CIT: variants seen among roughly 807,000 people sequenced by gnomAD.
The protein encoded by CIT is citron Rho-interacting kinase.
Under a neutral mutation model 272.7 loss-of-function variants are expected in CIT, and 79 were observed. That is an observed-to-expected ratio of 0.29 (90% CI 0.24 to 0.35). The LOEUF (loss-of-function observed/expected upper bound fraction) is 0.35. Among genes scored for constraint, CIT ranks in the 10% least tolerant of loss-of-function variants. The pLI, the probability that CIT is intolerant of heterozygous loss-of-function variation, is 1.00. For missense variants in CIT, 1,909 were observed against 2,618.3 expected (o/e 0.73, Z 5.91); for synonymous variants, 948 against 995.6 (o/e 0.95, Z 0.90).
chr12:119,840,181 G>A (rs977785463), intron 5 of CIT, among the ~76,000 whole-genome samples: 14 of 152,300 alleles, frequency 9.2e-5, no homozygotes, highest in African/African-American at 2.6e-4. Flanking sequence ...GGCAGGGCAT[G>A]GTAGTATATG....
chr12:119,876,009 G>T, intron 2 of CIT, 64 bp downstream of exon 2: 1 of 977,624 alleles, frequency 1.0e-6, no homozygotes, highest in Non-Finnish European at 1.6e-6. Context: ...AAAAGCAAAG[G>T]TGAGTGACAA....
At chr12:119,765,376 ATATAATATATAT>A (rs1236903022) in intron 19 of CIT, among the ~76,000 whole-genome samples, 6 of 146,134 alleles carry the variant, frequency 4.1e-5, no homozygotes, top group South Asian at 2.1e-4. Flanking sequence ...ATTATATATA[ATATAATATATAT>A]TATAATATAT....
In CIT at chr12:119,806,191, G is replaced by A. The variant is rs1593818180; in HGVS notation, c.1112-2802C>T. Among the ~76,000 whole-genome samples the A allele has an allele frequency of 1.4e-5, 2 of 143,662 alleles. 1 individual carries two copies. The highest frequency in any genetic ancestry group is 4.0e-4 in the East Asian group (2 of 5,020). 94.2% of individuals were successfully genotyped at this position (143,662 alleles called of 152,430 possible). On this transcript the variant is annotated intron_variant, in intron 9 of 47. Coordinates refer to ENST00000392521, the MANE Select transcript of CIT (RefSeq NM_001206999.2). ...AGAGAAGTCAATGTGAAATATACTA[G>A]CTGGTAACAGGTAAGATATTCACAG...
chr12:119,747,741 A>G lies in CIT; in HGVS notation c.2904+4309T>C, dbSNP rs544762571. Among the ~76,000 whole-genome samples the G allele has an allele frequency of 1.2e-4, 18 of 152,340 alleles. No individual in the cohort carries two copies. In the South Asian group the frequency reaches 3.5e-3, roughly 30 times the overall value. Reference sequence around the variant, plus strand: ...CTCAAAAAAACAAACAAACAAAAAAATTAAGACAGATATTTTTCAAATATT... The same window carrying G: ...CTCAAAAAAACAAACAAACAAAAAAGTTAAGACAGATATTTTTCAAATATT... On this transcript the variant is annotated intron_variant, in intron 23 of 47. Transcript: ENST00000392521.
chr12:119,817,443 C>T (rs1457697709), intron 9 of CIT, among the ~76,000 whole-genome samples: 2 of 151,850 alleles, frequency 1.3e-5, no homozygotes, highest in African/African-American at 2.4e-5. Flanking sequence ...ACCTGGGAGG[C>T]GGAGCTTGCA....
intron 19 of CIT, among the ~76,000 whole-genome samples, chr12:119,762,502 GAAGA>G (rs1314127562): frequency 6.6e-6 from 1 of 152,160 alleles, no homozygotes; most frequent in African/African-American, 2.4e-5. Flanking sequence ...TTCCAGTAGG[GAAGA>G]AAGACAGATC....
At position 119,804,419 on chromosome 12, in the gene CIT, C is replaced by CCGTG. The variant is rs778885333; in HGVS notation, c.1112-1034_1112-1031dup. ...CAGTGCAGGCTGCATGCTCCCGGCTCCGTGCGTGCGTGCTCTGGCTGGAAC... is the reference window on the plus strand; with the variant it reads ...CAGTGCAGGCTGCATGCTCCCGGCTCCGTGCGTGCGTGCGTGCTCTGGCTGGAAC... On this transcript the variant is annotated intron_variant, in intron 9 of 47. Transcript: ENST00000392521. This position sits in a 1 kb window ranked among gnomAD's most constrained non-coding sequence, Gnocchi z 5.3. The CCGTG allele has an allele frequency of 9.0e-4, 892 of 985,762 alleles. 1 individual carries two copies. Among genetic ancestry groups the CCGTG allele is most frequent in the Middle Eastern group, 4.7e-3 (9 of 1,914 alleles). 61.1% of individuals were successfully genotyped at this position (985,762 alleles called of 1,614,324 possible).
Position 119,688,102 on chromosome 12 carries a change from G to T in CIT, c.*130C>A. ...GAGACAGGGGTGTCCGTGCCGAGGTGGGTCTGGGCCCCGCTGAGCCAGAGG... is the reference window on the plus strand; with the variant it reads ...GAGACAGGGGTGTCCGTGCCGAGGTTGGTCTGGGCCCCGCTGAGCCAGAGG... On this transcript the variant is annotated 3_prime_UTR_variant, in exon 48 of 48. Transcript: ENST00000392521. The T allele has an allele frequency of 1.0e-6, 1 of 969,950 alleles. No individual in the cohort carries two copies. Among genetic ancestry groups the T allele is most frequent in the Non-Finnish European group, 1.6e-6 (1 of 607,216 alleles). The allele number at this position is 969,950 out of a possible 1,614,324, so 60.1% of individuals were successfully genotyped here.
intron 10 of CIT, among the ~76,000 whole-genome samples, chr12:119,793,078 C>G (rs937275933): frequency 2.0e-5 from 3 of 152,126 alleles, no homozygotes; most frequent in Non-Finnish European, 4.4e-5. Flanking sequence ...GGGCACCCCC[C>G]CTCCCCCACC....
intron 24 of CIT, among the ~76,000 whole-genome samples, chr12:119,740,283 G>A (rs954782829): frequency 2.0e-5 from 3 of 152,188 alleles, no homozygotes; most frequent in Admixed American, 6.5e-5. Flanking sequence ...ACATACTAGT[G>A]TATTCCACTA....
chr12:119,690,135 C>T lies in CIT; in HGVS notation c.6186+16G>A, dbSNP rs142240301. 392 of 1,455,570 alleles carry T rather than the reference C, an allele frequency of 2.7e-4. 1 individual carries two copies. The African/African-American group carries it at 4.9e-3, about 18-fold the overall frequency. 90.2% of individuals were successfully genotyped at this position (1,455,570 alleles called of 1,614,324 possible). ...GCCTCCGCAACAGACACACAGGCCTCGGAATGCTGCCTCACCTTGTTCACC... is the reference window on the plus strand; with the variant it reads ...GCCTCCGCAACAGACACACAGGCCTTGGAATGCTGCCTCACCTTGTTCACC... On this transcript the variant is annotated intron_variant, in intron 47 of 47. Coordinates refer to ENST00000392521, the MANE Select transcript of CIT (RefSeq NM_001206999.2). This position sits in a 1 kb window ranked among gnomAD's most constrained non-coding sequence, Gnocchi z 6.0.
At chr12:119,769,308 C>A (rs962209111) in intron 18 of CIT, among the ~76,000 whole-genome samples, 3 of 152,180 alleles carry the variant, frequency 2.0e-5, no homozygotes, top group African/African-American at 7.2e-5. Context: ...AAAAATCTGA[C>A]TCCTTGGTAG....
At position 119,854,004 on chromosome 12, in the gene CIT, T is replaced by C. The variant is rs1318999381; in HGVS notation, c.414+3519A>G. On this transcript the variant is annotated intron_variant, in intron 4 of 47. Coordinates refer to ENST00000392521, the MANE Select transcript of CIT (RefSeq NM_001206999.2). ...GAGTTCAAGACCAGTCCGGGCAACA[T>C]AGGGAGATCCCACCTCTACATAATT... 3.3e-5 allele frequency among the ~76,000 whole-genome samples: 5 copies of C among 151,372 alleles called. No homozygotes were observed. The East Asian group carries it at 7.9e-4, about 24-fold the overall frequency.
intron 5 of CIT, among the ~76,000 whole-genome samples, chr12:119,838,975 A>G (rs899487808): frequency 1.7e-4 from 26 of 152,248 alleles, no homozygotes; most frequent in African/African-American, 5.8e-4. Flanking sequence ...TGGCAGAGAA[A>G]GCACAGCAGC....
rs55758251 is a variant in CIT at position 119,760,626 on chromosome 12, CA to C, written c.2421+312del. On this transcript the variant is annotated intron_variant, in intron 20 of 47. Coordinates refer to ENST00000392521, the MANE Select transcript of CIT (RefSeq NM_001206999.2). ...TGGGCTTCAGAGCAAAACCCCACCT[CA>C]AAAAAAAAAAAAAGAGCAGGAAGAC... is the stretch of plus-strand genomic sequence containing the variant. Among the ~76,000 whole-genome samples the C allele has an allele frequency of 0.3, 35,821 of 119,004 alleles. 4,357 individuals are homozygous for C. Among genetic ancestry groups the C allele is most frequent in the Middle Eastern group, 0.42 (98 of 236 alleles). 78.1% of individuals were successfully genotyped at this position (119,004 alleles called of 152,430 possible). A position where few individuals can be genotyped will look rare whatever the true frequency, so the allele number is the denominator to read the frequency against.
chr12:119,692,200 G>A (rs557695624), intron 46 of CIT, among the ~76,000 whole-genome samples: 10 of 152,184 alleles, frequency 6.6e-5, no homozygotes, highest in Non-Finnish European at 1.5e-4. Flanking sequence ...TGTAGTCCTA[G>A]CTATTAGGAA....
intron 4 of CIT, among the ~76,000 whole-genome samples, chr12:119,854,544 G>C (rs1337276598): frequency 6.6e-6 from 1 of 152,114 alleles, no homozygotes; most frequent in East Asian, 1.9e-4. Context: ...TAGAGAGGCT[G>C]AAGCACAAGA....
intron 10 of CIT, among the ~76,000 whole-genome samples, chr12:119,795,105 G>C (rs1183293561): frequency 2.0e-5 from 3 of 152,222 alleles, no homozygotes; most frequent in Non-Finnish European, 2.9e-5. Flanking sequence ...AGTTGAGCCA[G>C]GCGTGGTGGC....
At chr12:119,775,231 C>G (rs1963628687) in intron 16 of CIT, among the ~76,000 whole-genome samples, 1 of 151,844 alleles carries the variant, frequency 6.6e-6, no homozygotes, top group Non-Finnish European at 1.5e-5. Flanking sequence ...CAAGATCACA[C>G]CACTGCACTC....
Sources: allele counts gnomAD v4.1 joint callset (sites outside exome capture counted in the v4.1 genomes callset), GRCh38; gene constraint gnomAD v4.1.1; non-coding constraint Gnocchi (gnomAD v3.1); transcripts MANE v1.5; gene names NCBI Gene and HGNC (gene_info 2026-07-23, HGNC 2026-07-21).